PPARGC1A: variants seen among roughly 807,000 people sequenced by gnomAD.
PPARGC1A encodes the protein PPARG coactivator 1 alpha.
PPARGC1A carries 25 observed loss-of-function variants against 88.7 expected under a neutral mutation model. That is an observed-to-expected ratio of 0.28 (90% CI 0.21 to 0.39). PPARGC1A has a LOEUF of 0.39. Among genes scored for constraint, PPARGC1A ranks in the 10% least tolerant of loss-of-function variants. PPARGC1A has a pLI of 1.00. For synonymous variants in PPARGC1A, 363 were observed against 355.6 expected (o/e 1.02, Z -0.24); for missense variants, 880 against 968.7 (o/e 0.91, Z 1.22).
the PPARGC1A span, among the ~76,000 whole-genome samples, chr4:24,440,476 C>T: frequency 6.6e-6 from 1 of 152,186 alleles, no homozygotes; most frequent in Admixed American, 6.5e-5. Context: ...ATGCCTCCCA[C>T]CGACATATTT....
At chr4:23,961,441 T>C in the PPARGC1A span, among the ~76,000 whole-genome samples, 10 of 151,988 alleles carry the variant, frequency 6.6e-5, no homozygotes, top group East Asian at 2.0e-4. Flanking sequence ...TCATAACCTA[T>C]TGGGGAGACT....
intron 2 of PPARGC1A, among the ~76,000 whole-genome samples, chr4:23,873,857 G>A (rs1453509448): frequency 6.6e-6 from 1 of 152,068 alleles, no homozygotes; most frequent in Admixed American, 6.6e-5. Context: ...AACCCAAAAA[G>A]AGCCTCCAAG....
the PPARGC1A span, among the ~76,000 whole-genome samples, chr4:24,276,810 G>T: frequency 3.8e-3 from 583 of 152,280 alleles, 18 homozygotes; most frequent in East Asian, 0.092. Flanking sequence ...AAGCCCAAAA[G>T]GGCAAGAAAA....
chr4:23,894,688 T>C (rs1718311657), upstream of PPARGC1A, among the ~76,000 whole-genome samples: 1 of 152,176 alleles, frequency 6.6e-6, no homozygotes, highest in Non-Finnish European at 1.5e-5. Context: ...CCTCAAAATG[T>C]GCTTTTGGTG....
At chr4:23,837,910 T>C (rs566176169) in intron 2 of PPARGC1A, among the ~76,000 whole-genome samples, 1 of 152,266 alleles carries the variant, frequency 6.6e-6, no homozygotes, top group Admixed American at 6.5e-5. Context: ...GCAAAAAATA[T>C]TTGCAGAAAT....
the PPARGC1A span, among the ~76,000 whole-genome samples, chr4:24,347,213 G>A: frequency 6.6e-6 from 1 of 152,116 alleles, no homozygotes; most frequent in Non-Finnish European, 1.5e-5. Flanking sequence ...AAAGTTCCAT[G>A]TGCTGTTGAA....
At chr4:24,039,738 C>T in the PPARGC1A span, among the ~76,000 whole-genome samples, 7 of 152,224 alleles carry the variant, frequency 4.6e-5, no homozygotes, top group African/African-American at 1.4e-4. Flanking sequence ...CAACTTGCCA[C>T]AAATGGAGAA....
intron 12 of PPARGC1A, 63 bp downstream of exon 12, chr4:23,801,665 ATG>A: frequency 1.9e-6 from 3 of 1,564,752 alleles, no homozygotes; most frequent in Non-Finnish European, 2.6e-6. Flanking sequence ...CCTACGGATT[ATG>A]TTTGTTCCCA....
the PPARGC1A span, among the ~76,000 whole-genome samples, chr4:24,197,769 TG>T: frequency 5.9e-5 from 9 of 152,344 alleles, no homozygotes; most frequent in African/African-American, 1.9e-4. Flanking sequence ...CCACAAGGAA[TG>T]CAGAAGTCAT....
chr4:24,031,418 C>A, the PPARGC1A span, among the ~76,000 whole-genome samples: 2 of 152,124 alleles, frequency 1.3e-5, no homozygotes, highest in African/African-American at 4.8e-5. Context: ...GAATAGGAAG[C>A]GAAGGCTTTT....
the PPARGC1A span, among the ~76,000 whole-genome samples, chr4:24,426,986 G>A: frequency 6.6e-6 from 1 of 152,078 alleles, no homozygotes; most frequent in East Asian, 1.9e-4. Flanking sequence ...CAGTTAATAT[G>A]TTCTTCACCT....
At chr4:23,923,936 C>A in the PPARGC1A span, among the ~76,000 whole-genome samples, 1 of 152,166 alleles carries the variant, frequency 6.6e-6, no homozygotes, top group Non-Finnish European at 1.5e-5. Context: ...AAGGAGAAAT[C>A]ATGACATTTC....
the PPARGC1A span, among the ~76,000 whole-genome samples, chr4:24,025,609 C>T: frequency 1.3e-5 from 2 of 151,974 alleles, no homozygotes; most frequent in African/African-American, 4.8e-5. Flanking sequence ...TCCACTGCCT[C>T]ACCCCCTCAC....
chr4:24,337,112 G>A, the PPARGC1A span, among the ~76,000 whole-genome samples: 1 of 152,070 alleles, frequency 6.6e-6, no homozygotes. Flanking sequence ...ACCACACTAA[G>A]AATCGTTCTT....
At chr4:24,230,138 T>C in the PPARGC1A span, among the ~76,000 whole-genome samples, 4 of 152,196 alleles carry the variant, frequency 2.6e-5, no homozygotes, top group Non-Finnish European at 4.4e-5. Context: ...TGCAATCCTA[T>C]TGATTGCAGC....
the PPARGC1A span, among the ~76,000 whole-genome samples, chr4:23,946,436 C>T: frequency 2.0e-5 from 3 of 152,038 alleles, no homozygotes; most frequent in East Asian, 1.9e-4. Flanking sequence ...GCCAAAGAGC[C>T]GTACGCAGAT....
At chr4:23,946,760 T>C in the PPARGC1A span, among the ~76,000 whole-genome samples, 1 of 151,946 alleles carries the variant, frequency 6.6e-6, no homozygotes, top group African/African-American at 2.4e-5. Flanking sequence ...AGTCTGAAAG[T>C]AGTTTTCAGG....
upstream of PPARGC1A, among the ~76,000 whole-genome samples, chr4:23,907,496 GTC>G (rs1302190103): frequency 2.6e-5 from 4 of 152,164 alleles, no homozygotes; most frequent in Non-Finnish European, 5.9e-5. Context: ...TCAGTAAGGA[GTC>G]CCAGAGACAC....
the PPARGC1A span, among the ~76,000 whole-genome samples, chr4:24,078,827 C>T: frequency 3.3e-5 from 5 of 152,124 alleles, no homozygotes; most frequent in South Asian, 2.1e-4. Flanking sequence ...TTCTCTTTGT[C>T]CTTTGAGCTT....
Sources: gnomAD v4.1 joint callset for allele counts (sites outside exome capture counted in the v4.1 genomes callset) on GRCh38, gnomAD v4.1.1 for gene constraint, MANE v1.5 for transcripts, NCBI Gene and HGNC (gene_info 2026-07-23, HGNC 2026-07-21) for gene names.